Variants in WWTR1 observed in about 807,000 individuals in gnomAD.
WWTR1 encodes the protein WW domain-containing transcription regulator protein 1.
In WWTR1, 13 loss-of-function variants were observed where a neutral mutation model predicts 40.1. The observed-to-expected ratio is 0.32, with a 90% CI of 0.21 to 0.52. WWTR1 has a LOEUF of 0.52. Among genes scored for constraint, WWTR1 ranks in the 20% least tolerant of loss-of-function variants. WWTR1 has a pLI of 0.97. For synonymous variants in WWTR1, 230 were observed against 210.1 expected, an observed-to-expected ratio of 1.09 and a Z score of -0.82; for missense variants, 436 against 523.1, an observed-to-expected ratio of 0.83 and a Z score of 1.63.
intron 2 of WWTR1, among the ~76,000 whole-genome samples, chr3:149,641,147 T>C (rs1384296086): frequency 1.3e-5 from 2 of 152,056 alleles, no homozygotes; most frequent in East Asian, 1.9e-4. Context: ...ACTGTCACTG[T>C]ACAAAACAGA....
At chr3:149,697,310 C>T (rs1715026292) in intron 1 of WWTR1, among the ~76,000 whole-genome samples, 2 of 146,884 alleles carry the variant, frequency 1.4e-5, no homozygotes, top group African/African-American at 2.6e-5. Context: ...GGGAAAGGTG[C>T]CACAGTCTTT....
chr3:149,545,647 G>A (rs760228614), intron 3 of WWTR1, among the ~76,000 whole-genome samples: 8 of 151,992 alleles, frequency 5.3e-5, no homozygotes, highest in South Asian at 2.1e-4. Context: ...TTAGCCTCCC[G>A]AGTAGCTAGG....
intron 2 of WWTR1, among the ~76,000 whole-genome samples, chr3:149,593,936 G>C (rs563979729): frequency 2.0e-5 from 3 of 152,300 alleles, no homozygotes; most frequent in African/African-American, 7.2e-5. Flanking sequence ...TAAGGCAAAT[G>C]AACCCATGAC....
intron 4 of WWTR1, among the ~76,000 whole-genome samples, chr3:149,532,860 G>T (rs559721291): frequency 3.7e-4 from 57 of 152,304 alleles, no homozygotes; most frequent in African/African-American, 1.3e-3. Flanking sequence ...TGAAACTAAA[G>T]CAGCTGAAGC....
chr3:149,570,322 G>A (rs562467249), intron 3 of WWTR1, among the ~76,000 whole-genome samples: 3 of 152,164 alleles, frequency 2.0e-5, no homozygotes, highest in East Asian at 1.9e-4. Flanking sequence ...TAGTCCCAGC[G>A]CTTTGGGAGG....
intron 1 of WWTR1, among the ~76,000 whole-genome samples, chr3:149,676,855 T>C (rs1714277259): frequency 6.6e-6 from 1 of 151,534 alleles, no homozygotes; most frequent in Admixed American, 6.6e-5. Context: ...ACCAGAAAGA[T>C]TATGTTAAAT....
intron 2 of WWTR1, among the ~76,000 whole-genome samples, chr3:149,638,435 G>A (rs928350038): frequency 6.6e-6 from 1 of 152,066 alleles, no homozygotes; most frequent in Non-Finnish European, 1.5e-5. Flanking sequence ...ATACTTCCCT[G>A]ACATTTGTGT....
intron 2 of WWTR1, among the ~76,000 whole-genome samples, chr3:149,585,600 A>T (rs1576579563): frequency 6.6e-6 from 1 of 151,952 alleles, no homozygotes; most frequent in Non-Finnish European, 1.5e-5. Flanking sequence ...TCTCAGATTC[A>T]GTGTGAGAGG....
intron 2 of WWTR1, among the ~76,000 whole-genome samples, chr3:149,614,071 T>A (rs968368628): frequency 5.3e-5 from 8 of 152,150 alleles, no homozygotes; most frequent in Admixed American, 6.5e-5. Context: ...TTTTGAGGGG[T>A]CTTGCTTGAA....
intron 3 of WWTR1, among the ~76,000 whole-genome samples, chr3:149,565,961 C>T (rs571657608): frequency 2.1e-4 from 32 of 150,338 alleles, no homozygotes; most frequent in East Asian, 5.9e-4. Flanking sequence ...ATCTCCTCTT[C>T]GAAACCCCAA....
chr3:149,521,392 G>A (rs371405236), intron 6 of WWTR1, among the ~76,000 whole-genome samples: 2 of 152,124 alleles, frequency 1.3e-5, no homozygotes, highest in Non-Finnish European at 2.9e-5. Context: ...CAAAGAGAAT[G>A]GTGTGAAGCT....
chr3:149,679,822 C>T (rs1714396299), intron 1 of WWTR1, among the ~76,000 whole-genome samples: 1 of 152,206 alleles, frequency 6.6e-6, no homozygotes, highest in Admixed American at 6.5e-5. Context: ...CTGTCCTACA[C>T]TGCCTTCCAT....
chr3:149,685,142 TTGCCTTA>T (rs1559840842), intron 1 of WWTR1, among the ~76,000 whole-genome samples: 4 of 152,280 alleles, frequency 2.6e-5, no homozygotes, highest in African/African-American at 9.6e-5. Context: ...CTGGGAGGAA[TTGCCTTA>T]CAAACCACTA....
At chr3:149,689,781 C>T in intron 1 of WWTR1, among the ~76,000 whole-genome samples, 1 of 152,112 alleles carries the variant, frequency 6.6e-6, no homozygotes, top group East Asian at 1.9e-4. Context: ...ATACAAAACT[C>T]ACTGGTAATA....
At chr3:149,546,224 G>A (rs1736358416) in intron 3 of WWTR1, among the ~76,000 whole-genome samples, 1 of 152,186 alleles carries the variant, frequency 6.6e-6, no homozygotes. Flanking sequence ...ATTAACTGTA[G>A]AGTCTGGAAA....
chr3:149,608,899 A>C (rs1283889456), intron 2 of WWTR1, among the ~76,000 whole-genome samples: 2 of 151,928 alleles, frequency 1.3e-5, no homozygotes, highest in East Asian at 1.9e-4. Flanking sequence ...CAAAAGAAAA[A>C]AAATAGAAAT....
At chr3:149,555,042 C>A (rs1736761994) in intron 3 of WWTR1, among the ~76,000 whole-genome samples, 1 of 152,130 alleles carries the variant, frequency 6.6e-6, no homozygotes, top group Non-Finnish European at 1.5e-5. Flanking sequence ...ATTTATTTTT[C>A]TTTAGTCAGT....
intron 2 of WWTR1, among the ~76,000 whole-genome samples, chr3:149,601,669 T>A (rs977507410): frequency 1.3e-5 from 2 of 152,148 alleles, no homozygotes; most frequent in African/African-American, 4.8e-5. Context: ...TGTAAAGTCC[T>A]TGTAAACAAA....
intron 3 of WWTR1, among the ~76,000 whole-genome samples, chr3:149,568,716 T>C (rs543435296): frequency 1.7e-4 from 26 of 152,132 alleles, no homozygotes; most frequent in South Asian, 8.3e-4. Context: ...GCAATAAAAA[T>C]ATGGTTTGAT....
Sources: allele counts gnomAD v4.1 joint callset (sites outside exome capture counted in the v4.1 genomes callset), GRCh38; gene constraint gnomAD v4.1.1; transcripts MANE v1.5; gene names NCBI Gene and HGNC (gene_info 2026-07-23, HGNC 2026-07-21).